LIPF: variants seen among roughly 807,000 people sequenced by gnomAD.
LIPF encodes the protein gastric triacylglycerol lipase.
LIPF carries 25 observed loss-of-function variants against 38.0 expected under a neutral mutation model. The ratio of observed to expected loss-of-function variants is 0.66; its 90% CI spans 0.48 to 0.92. LIPF has a LOEUF of 0.92. LIPF is among the 40% of genes least tolerant of loss of function. The pLI, the probability that LIPF is intolerant of heterozygous loss-of-function variation, is 0.00. For synonymous variants in LIPF, 161 were observed against 156.2 expected, an observed-to-expected ratio of 1.03 and a Z score of -0.23; for missense variants, 410 against 469.9, an observed-to-expected ratio of 0.87 and a Z score of 1.18.
At chr10:88,665,541 A>T (rs1397810524) in intron 1 of LIPF, 4 of 1,535,418 alleles carry the variant, frequency 2.6e-6, no homozygotes, top group Non-Finnish European at 3.5e-6. Flanking sequence ...GCCCATTGAG[A>T]TGTTCTCCAA....
chr10:88,673,119 T>C (rs1176138772), intron 6 of LIPF, among the ~76,000 whole-genome samples: 1 of 151,998 alleles, frequency 6.6e-6, no homozygotes, highest in African/African-American at 2.4e-5. Context: ...TCAAAGAGAG[T>C]TGGGGCAAAC....
chr10:88,674,608 A>G (rs1224078816), intron 7 of LIPF, among the ~76,000 whole-genome samples: 3 of 152,212 alleles, frequency 2.0e-5, no homozygotes, highest in Non-Finnish European at 2.9e-5. Context: ...TTTGGAACTG[A>G]CTTAAACGTC....
At chr10:88,674,294 G>C (rs569209990) in intron 7 of LIPF, among the ~76,000 whole-genome samples, 1 of 151,948 alleles carries the variant, frequency 6.6e-6, no homozygotes, top group Admixed American at 6.6e-5. Context: ...TCAGCCTCCC[G>C]AGTAGCTGGA....
In LIPF at chr10:88,667,628, TGG is replaced by T; in HGVS notation, c.166_167del (p.Gly56LeufsTer4). The T allele has an allele frequency of 6.2e-7, 1 of 1,601,196 alleles. No homozygotes were observed. Among genetic ancestry groups the T allele is most frequent in the Non-Finnish European group, 8.6e-7 (1 of 1,168,854 alleles). ...NEEYEVVTED[G>X]YILEVNRIPY... ...AAGAATATGAAGTTGTGACTGAAGA[TGG>T]TTATATTCTTGAAGTCAATAGAATT... On this transcript the variant is annotated frameshift_variant, in exon 3 of 10. Transcript: ENST00000238983. LOFTEE classifies it high-confidence loss of function.
intron 5 of LIPF, among the ~76,000 whole-genome samples, chr10:88,670,611 T>C (rs1841581095): frequency 6.6e-6 from 1 of 152,140 alleles, no homozygotes; most frequent in Non-Finnish European, 1.5e-5. Flanking sequence ...GGAGCACACC[T>C]AGTTTGTTCA....
At chr10:88,672,818 T>G (rs966565516) in intron 6 of LIPF, among the ~76,000 whole-genome samples, 1 of 152,166 alleles carries the variant, frequency 6.6e-6, no homozygotes, top group African/African-American at 2.4e-5. Context: ...TAAGAGAACT[T>G]ACCTATAGGC....
At position 88,675,601 on chromosome 10, in the gene LIPF, T is replaced by C. The variant is rs1841673012; in HGVS notation, c.832T>C (p.Tyr278His). The C allele has an allele frequency of 1.2e-6, 2 of 1,610,526 alleles. No individual in the cohort carries two copies. Among genetic ancestry groups the C allele is most frequent in the Non-Finnish European group, 1.7e-6 (2 of 1,176,936 alleles). ...KNFNTSRLDVYLSHNPAGTSV... is the reference protein window; with the variant it reads ...KNFNTSRLDVHLSHNPAGTSV... ...TGATTTCTAGAGTCGCTTGGATGTG[T>C]ATCTATCACATAATCCAGCAGGAAC... The change falls in exon 8 of 10, where the codon TAT (tyrosine) becomes CAT (histidine). Residue 278 changes from tyrosine (Y) to histidine (H), a missense_variant. Physicochemically the swap from Tyr to His is moderately conservative, Grantham distance 83. Coordinates refer to ENST00000238983, the MANE Select transcript of LIPF (RefSeq NM_004190.4).
Position 88,667,625 on chromosome 10 carries a change from AGATG to A in LIPF, c.164_167del (p.Asp55ValfsTer103). On this transcript the variant is annotated frameshift_variant, in exon 3 of 10. Coordinates refer to ENST00000238983, the MANE Select transcript of LIPF (RefSeq NM_004190.4). LOFTEE classifies it high-confidence loss of function. Reference sequence around the variant, plus strand: ...ATGAAGAATATGAAGTTGTGACTGAAGATGGTTATATTCTTGAAGTCAATAGAAT... The same window carrying A: ...ATGAAGAATATGAAGTTGTGACTGAAGTTATATTCTTGAAGTCAATAGAAT... 6.2e-7 allele frequency: 1 copy of A among 1,601,912 alleles called. No homozygotes were observed. Among genetic ancestry groups the A allele is most frequent in the Non-Finnish European group, 8.6e-7 (1 of 1,169,458 alleles).
chr10:88,676,486 C>T (rs1204859937), intron 9 of LIPF, among the ~76,000 whole-genome samples: 4 of 152,190 alleles, frequency 2.6e-5, no homozygotes, highest in Non-Finnish European at 5.9e-5. Flanking sequence ...CAAAGTACTA[C>T]ACCCCTGTGT....
chr10:88,676,416 T>C, intron 9 of LIPF, 136 bp downstream of exon 9: 1 of 628,640 alleles, frequency 1.6e-6, no homozygotes, highest in South Asian at 2.1e-5. Flanking sequence ...TTCTCCCACA[T>C]GACTATGCAT....
At chr10:88,671,789 A>G (rs761234785) in intron 5 of LIPF, 40 bp from the exon 6 acceptor site, 17 of 1,593,770 alleles carry the variant, frequency 1.1e-5, no homozygotes, top group Non-Finnish European at 1.4e-5. Flanking sequence ...ACAACAACAC[A>G]CACACACACC....
At chr10:88,664,977 T>C (rs998937481) in intron 1 of LIPF, among the ~76,000 whole-genome samples, 1 of 152,194 alleles carries the variant, frequency 6.6e-6, no homozygotes, top group Admixed American at 6.5e-5. Context: ...ATTTAAATTA[T>C]AAACTTTTCA....
intron 1 of LIPF, among the ~76,000 whole-genome samples, chr10:88,666,107 G>C (rs1024854750): frequency 1.3e-5 from 2 of 152,310 alleles, no homozygotes; most frequent in East Asian, 3.9e-4. Context: ...TATTAGACCA[G>C]AGGGTCAGAT....
At chr10:88,668,830 C>G (rs1841553714) in intron 4 of LIPF, 74 bp downstream of exon 4, 1 of 1,246,292 alleles carries the variant, frequency 8.0e-7, no homozygotes, top group East Asian at 2.4e-5. Context: ...TAATCCAGTC[C>G]CATTTTAACA....
chr10:88,673,547 C>T, intron 6 of LIPF, 41 bp from the exon 7 acceptor site: 1 of 1,517,264 alleles, frequency 6.6e-7, no homozygotes, highest in Non-Finnish European at 9.0e-7. Context: ...TTTTCTGCAG[C>T]TTGATTGCTA....
chr10:88,667,230 T>C (rs1841524565), intron 1 of LIPF, 57 bp from the exon 2 acceptor site: 1 of 944,544 alleles, frequency 1.1e-6, no homozygotes, highest in Non-Finnish European at 1.7e-6. Context: ...GCATAAAATA[T>C]AAGCATTATG....
chr10:88,671,616 C>T (rs1216558126), intron 5 of LIPF, among the ~76,000 whole-genome samples: 6 of 152,010 alleles, frequency 3.9e-5, no homozygotes, highest in Non-Finnish European at 5.9e-5. Flanking sequence ...ACTTTTAAAA[C>T]GTTCCAGCCT....
At chr10:88,670,951 A>G (rs1381161770) in intron 5 of LIPF, among the ~76,000 whole-genome samples, 1 of 152,128 alleles carries the variant, frequency 6.6e-6, no homozygotes, top group African/African-American at 2.4e-5. Context: ...TTCTTCCACA[A>G]ATAGAACCAG....
At chr10:88,672,110 C>T (rs1841609003) in intron 6 of LIPF, 145 bp downstream of exon 6, 7 of 772,236 alleles carry the variant, frequency 9.1e-6, no homozygotes, top group South Asian at 2.2e-5. Flanking sequence ...ATTATTTCTT[C>T]CATAGCACTG....
Sources: allele counts gnomAD v4.1 joint callset (sites outside exome capture counted in the v4.1 genomes callset), GRCh38; gene constraint gnomAD v4.1.1; transcripts MANE v1.5; gene names NCBI Gene and HGNC (gene_info 2026-07-23, HGNC 2026-07-21).